Variants in TMEM132D observed in about 807,000 individuals in gnomAD.
TMEM132D encodes mature OL transmembrane protein.
Under a neutral mutation model 62.3 loss-of-function variants are expected in TMEM132D, and 21 were observed. The ratio of observed to expected loss-of-function variants is 0.34; its 90% CI spans 0.24 to 0.49. The LOEUF is 0.49. TMEM132D is among the 20% of genes least tolerant of loss of function. The pLI, the probability that TMEM132D is intolerant of heterozygous loss-of-function variation, is 0.99. For missense variants in TMEM132D, 1,346 were observed against 1,402.8 expected (o/e 0.96, Z 0.65); for synonymous variants, 621 against 575.6 (o/e 1.08, Z -1.13).
chr12:129,459,473 T>C (rs578146535), intron 3 of TMEM132D, among the ~76,000 whole-genome samples: 1 of 152,250 alleles, frequency 6.6e-6, no homozygotes, highest in Non-Finnish European at 1.5e-5. Flanking sequence ...GAAGCTTCCA[T>C]TCCAGTGAGC....
chr12:129,073,695 G>A lies in TMEM132D; in HGVS notation c.*180C>T, dbSNP rs1874148445. On this transcript the variant is annotated 3_prime_UTR_variant, in exon 9 of 9. Coordinates refer to ENST00000422113, the MANE Select transcript of TMEM132D (RefSeq NM_133448.3). ...AGCAAGACACTGTACTCTGGAATGT[G>A]TGCGTCGATGCGGACTCCAGGCCTC... 3.6e-6 allele frequency: 2 copies of A among 557,196 alleles called. No homozygotes were observed. Among genetic ancestry groups the A allele is most frequent in the Non-Finnish European group, 6.3e-6 (2 of 319,310 alleles). 34.5% of individuals were successfully genotyped at this position (557,196 alleles called of 1,614,324 possible).
chr12:129,478,987 A>C (rs777056883), intron 3 of TMEM132D, among the ~76,000 whole-genome samples: 2 of 152,188 alleles, frequency 1.3e-5, no homozygotes, highest in Non-Finnish European at 2.9e-5. Context: ...GCTGGAGCAG[A>C]ATTAATTGTT....
intron 3 of TMEM132D, among the ~76,000 whole-genome samples, chr12:129,486,242 T>G (rs1874575241): frequency 6.6e-6 from 1 of 152,222 alleles, no homozygotes; most frequent in Non-Finnish European, 1.5e-5. Flanking sequence ...TCACACACCT[T>G]TTATCAGCTA....
intron 2 of TMEM132D, among the ~76,000 whole-genome samples, chr12:129,662,681 T>C (rs905833178): frequency 6.7e-6 from 1 of 149,372 alleles, no homozygotes; most frequent in Non-Finnish European, 1.5e-5. Context: ...TAGTCCCAGC[T>C]AATCAGGAGG....
chr12:129,535,907 G>A (rs569346430), intron 2 of TMEM132D, among the ~76,000 whole-genome samples: 1 of 152,146 alleles, frequency 6.6e-6, no homozygotes, highest in South Asian at 2.1e-4. Flanking sequence ...CCCAAGAAGA[G>A]AAATTTGGAT....
At chr12:129,622,594 A>C (rs1879103202) in intron 2 of TMEM132D, among the ~76,000 whole-genome samples, 1 of 152,216 alleles carries the variant, frequency 6.6e-6, no homozygotes, top group Non-Finnish European at 1.5e-5. Flanking sequence ...ATCAGCAAAC[A>C]GGGCTTTCCC....
At chr12:129,791,678 G>C (rs189517613) in intron 1 of TMEM132D, among the ~76,000 whole-genome samples, 2 of 152,058 alleles carry the variant, frequency 1.3e-5, no homozygotes, top group East Asian at 3.9e-4. Context: ...ACCAATCCGC[G>C]CTTCTCCACA....
intron 3 of TMEM132D, among the ~76,000 whole-genome samples, chr12:129,485,175 T>G (rs1299243021): frequency 6.6e-6 from 1 of 152,186 alleles, no homozygotes; most frequent in Admixed American, 6.5e-5. Context: ...GGGGGGTCAC[T>G]GCAGGGTGCC....
chr12:129,181,987 C>A (rs1878078546), intron 5 of TMEM132D, among the ~76,000 whole-genome samples: 1 of 152,150 alleles, frequency 6.6e-6, no homozygotes, highest in South Asian at 2.1e-4. Flanking sequence ...AGCAAAGTAT[C>A]TGACAATATC....
At chr12:129,646,927 G>A (rs980080656) in intron 2 of TMEM132D, among the ~76,000 whole-genome samples, 2 of 151,578 alleles carry the variant, frequency 1.3e-5, no homozygotes, top group African/African-American at 4.9e-5. Flanking sequence ...AGCCTCCTGA[G>A]TAGTGGGGAT....
chr12:129,432,730 T>C (rs1473557297), intron 3 of TMEM132D, among the ~76,000 whole-genome samples: 1 of 152,236 alleles, frequency 6.6e-6, no homozygotes, highest in Non-Finnish European at 1.5e-5. Flanking sequence ...AAGAAATGTG[T>C]GTTAATTCTA....
At chr12:129,415,419 T>C (rs1022428048) in intron 3 of TMEM132D, among the ~76,000 whole-genome samples, 8 of 152,206 alleles carry the variant, frequency 5.3e-5, no homozygotes, top group African/African-American at 1.4e-4. Flanking sequence ...CCATTTTTGA[T>C]AGAAAAATTG....
intron 2 of TMEM132D, among the ~76,000 whole-genome samples, chr12:129,532,282 G>A (rs1593054262): frequency 6.6e-6 from 1 of 152,096 alleles, no homozygotes; most frequent in East Asian, 1.9e-4. Flanking sequence ...GGGAGCGGCC[G>A]ACTTGGAGTT....
intron 1 of TMEM132D, among the ~76,000 whole-genome samples, chr12:129,748,623 C>T (rs112929197): frequency 3.9e-5 from 6 of 151,974 alleles, no homozygotes; most frequent in South Asian, 2.1e-4. Flanking sequence ...AGTTCTGGAA[C>T]GAAGAGGAAT....
At chr12:129,196,314 TGTCCCTCA>T (rs1438315918) in intron 5 of TMEM132D, among the ~76,000 whole-genome samples, 2 of 152,200 alleles carry the variant, frequency 1.3e-5, no homozygotes, top group Non-Finnish European at 2.9e-5. Flanking sequence ...AAAGGGCATG[TGTCCCTCA>T]GTCTGTGCAA....
intron 1 of TMEM132D, among the ~76,000 whole-genome samples, chr12:129,838,674 T>C (rs1391708238): frequency 6.6e-6 from 1 of 152,098 alleles, no homozygotes; most frequent in African/African-American, 2.4e-5. Flanking sequence ...TACCCTAACA[T>C]TGAAAAATAG....
chr12:129,189,782 G>A (rs1033672018), intron 5 of TMEM132D, among the ~76,000 whole-genome samples: 1 of 152,160 alleles, frequency 6.6e-6, no homozygotes, highest in Non-Finnish European at 1.5e-5. Context: ...GGCAGGCAGA[G>A]TCAAGCTTGG....
At chr12:129,609,379 T>C (rs71466408) in intron 2 of TMEM132D, among the ~76,000 whole-genome samples, 10,106 of 152,188 alleles carry the variant, frequency 0.066, 420 homozygotes, top group Middle Eastern at 0.18. Context: ...GAGTAGGACA[T>C]AGTGCTACAT....
intron 4 of TMEM132D, among the ~76,000 whole-genome samples, chr12:129,221,130 T>C (rs1407231365): frequency 6.6e-6 from 1 of 152,206 alleles, no homozygotes; most frequent in East Asian, 1.9e-4. Flanking sequence ...GGGTCAATGT[T>C]GTTTGTTACT....
Sources: allele counts gnomAD v4.1 joint callset (sites outside exome capture counted in the v4.1 genomes callset), GRCh38; gene constraint gnomAD v4.1.1; transcripts MANE v1.5; gene names NCBI Gene and HGNC (gene_info 2026-07-23, HGNC 2026-07-21).